Variants in PLPPR2 observed in about 807,000 individuals in gnomAD.
PLPPR2 encodes the protein phospholipid phosphatase-related protein type 2.
A neutral mutation model predicts 40.3 loss-of-function variants in PLPPR2; 11 were observed. The ratio of observed to expected loss-of-function variants is 0.27; its 90% CI spans 0.17 to 0.45. The LOEUF (loss-of-function observed/expected upper bound fraction) is 0.45. Ranked by LOEUF, PLPPR2 falls within the 20% of genes least tolerant of loss-of-function variation. The probability of loss-of-function intolerance (pLI) is 1.00; values close to 1 mark genes in which losing one functional copy is unlikely to be tolerated. For synonymous variants in PLPPR2, 260 were observed against 290.8 expected (o/e 0.89, Z 1.08); for missense variants, 497 against 640.7 (o/e 0.78, Z 2.42).
In PLPPR2 at chr19:11,364,767, G is replaced by A. The variant is rs1968149861; in HGVS notation, c.*77G>A. 8.7e-6 allele frequency: 13 copies of A among 1,497,204 alleles called. No individual in the cohort carries two copies. The highest frequency in any genetic ancestry group is 1.2e-5 in the Non-Finnish European group (13 of 1,115,788). 92.7% of individuals were successfully genotyped at this position (1,497,204 alleles called of 1,614,324 possible). ...GCGTGTGTGTGCGTGTGCCACGTGA[G>A]TGCCAAAGTCCCCTGCCCCCCAAGC... On this transcript the variant is annotated 3_prime_UTR_variant, in exon 10 of 10. Coordinates refer to ENST00000688289, the MANE Select transcript of PLPPR2 (RefSeq NM_001393892.1). The surrounding 1 kb of genome is among the most constrained non-coding windows in gnomAD (Gnocchi z 5.8).
chr19:11,359,460 T>C lies in PLPPR2; in HGVS notation c.67-72T>C. ...TTCTCCATCTCTGTATCTCTGCCTC[T>C]GTGGCCTCAGCTGGAGTCCTGACCT... On this transcript the variant is annotated intron_variant, in intron 3 of 9. Coordinates refer to ENST00000688289, the MANE Select transcript of PLPPR2 (RefSeq NM_001393892.1). The surrounding 1 kb of genome is among the most constrained non-coding windows in gnomAD (Gnocchi z 5.6). 3 of 1,395,068 alleles carry C rather than the reference T, an allele frequency of 2.2e-6. No homozygotes were observed. The highest frequency in any genetic ancestry group is 2.5e-5 in the East Asian group (1 of 39,898). 86.4% of individuals were successfully genotyped at this position (1,395,068 alleles called of 1,614,324 possible).
rs548158149 is a variant in PLPPR2 at position 11,363,995 on chromosome 19, A to G, written c.963+160A>G. 241 of 1,318,848 alleles carry G rather than the reference A, an allele frequency of 1.8e-4. 3 individuals are homozygous for G. In the South Asian group the frequency reaches 3.4e-3, roughly 18 times the overall value. 81.7% of individuals were successfully genotyped at this position (1,318,848 alleles called of 1,614,324 possible). A position where few individuals can be genotyped will look rare whatever the true frequency, so the allele number is the denominator to read the frequency against. On this transcript the variant is annotated intron_variant, in intron 8 of 9. Transcript: ENST00000688289. The surrounding 1 kb of genome is among the most constrained non-coding windows in gnomAD (Gnocchi z 4.8). Reference sequence around the variant, plus strand: ...ACATAGGTCCTGGGCGGACAGCCCCAAAGAATGAAAGGGAGCACCCCCGTC... The same window carrying G: ...ACATAGGTCCTGGGCGGACAGCCCCGAAGAATGAAAGGGAGCACCCCCGTC...
At chr19:11,358,335 C>T (rs539891636) in intron 3 of PLPPR2, among the ~76,000 whole-genome samples, 1 of 152,212 alleles carries the variant, frequency 6.6e-6, no homozygotes, top group Admixed American at 6.5e-5. Context: ...GGATTACAGG[C>T]GTGAGCCACC....
rs563714849 is a variant in PLPPR2 at position 11,363,729 on chromosome 19, A to T, written c.857A>T (p.His286Leu). ...IATFLVTCVV[H>L]NFQSRPPSGR... ...CTATTCCAGGTCACCTGCGTTGTGCATAACTTTCAGAGCCGGCCACCCTCT... is the reference window on the plus strand; with the variant it reads ...CTATTCCAGGTCACCTGCGTTGTGCTTAACTTTCAGAGCCGGCCACCCTCT... The change falls in exon 8 of 10, where the codon CAT becomes CTT. Residue 286 changes from histidine to leucine, a missense_variant. Physicochemically the swap from His to Leu is moderately conservative, Grantham distance 99. Transcript: ENST00000688289. This position sits in a 1 kb window ranked among gnomAD's most constrained non-coding sequence, Gnocchi z 4.8. The T allele has an allele frequency of 6.2e-6, 10 of 1,614,006 alleles. No homozygotes were observed. In the Admixed American group the frequency reaches 1.7e-4, roughly 27 times the overall value.
At position 11,359,599 on chromosome 19, in the gene PLPPR2, A is replaced by C; in HGVS notation, c.134A>C (p.His45Pro). ...GAGTTCACGGACACCTTCCCTGTGC[A>C]CACCCAGGGATTCTTCTGCTATGAC... is the stretch of plus-strand genomic sequence containing the variant. ...RLEFTDTFPV[H>P]TQGFFCYDST... Residue 45 changes from histidine (H) to proline (P), a missense_variant, in exon 4 of 10, where the codon CAC (histidine) becomes CCC (proline). By Grantham distance (77) the His-to-Pro change is moderately conservative. Coordinates refer to ENST00000688289, the MANE Select transcript of PLPPR2 (RefSeq NM_001393892.1). The surrounding 1 kb of genome is among the most constrained non-coding windows in gnomAD (Gnocchi z 5.6). 1 of 1,610,854 alleles carries C rather than the reference A, an allele frequency of 6.2e-7. No individual in the cohort carries two copies. Among genetic ancestry groups the C allele is most frequent in the Non-Finnish European group, 8.5e-7 (1 of 1,178,248 alleles).
At chr19:11,358,516 G>C (rs1568319706) in intron 3 of PLPPR2, among the ~76,000 whole-genome samples, 1 of 152,020 alleles carries the variant, frequency 6.6e-6, no homozygotes, top group Non-Finnish European at 1.5e-5. Context: ...CTGTCTGTCT[G>C]TCTCTCATTT....
At position 11,361,358 on chromosome 19, in the gene PLPPR2, G is replaced by C. The variant is rs1442139457; in HGVS notation, c.533G>C (p.Arg178Pro). The C allele has an allele frequency of 1.2e-6, 2 of 1,612,742 alleles. No individual in the cohort carries two copies. The highest frequency in any genetic ancestry group is 2.2e-5 in the East Asian group (1 of 44,886). Residue 178 changes from arginine (R) to proline (P), a missense_variant, in exon 6 of 10, where the codon CGG becomes CCG. Physicochemically the swap from Arg to Pro is moderately radical, Grantham distance 103. Coordinates refer to ENST00000688289, the MANE Select transcript of PLPPR2 (RefSeq NM_001393892.1). This position sits in a 1 kb window ranked among gnomAD's most constrained non-coding sequence, Gnocchi z 6.3. ...GGCTGCCTGCCACCTTCTCCGGATC[G>C]GCCAGGTCCCGACCGCTTTGTCACT... ...ALGCLPPSPD[R>P]PGPDRFVTDQ...
intron 1 of PLPPR2, among the ~76,000 whole-genome samples, chr19:11,356,031 G>A (rs1429992965): frequency 6.6e-6 from 1 of 152,020 alleles, no homozygotes; most frequent in Non-Finnish European, 1.5e-5. Context: ...TGGTGTTCGT[G>A]TGGTTGTGTG....
Position 11,359,779 on chromosome 19 carries a change from G to A in PLPPR2, c.256-42G>A, listed in dbSNP as rs755147494. The stretch of plus-strand genomic sequence containing the variant: ...GGCCGGTAAGGGTGGGTGAGGGGAT[G>A]GGCTGGAAGGCCAGAAGACTCCATC... On this transcript the variant is annotated intron_variant, in intron 4 of 9. Transcript: ENST00000688289. This position sits in a 1 kb window ranked among gnomAD's most constrained non-coding sequence, Gnocchi z 5.6. 3.2e-6 allele frequency: 5 copies of A among 1,586,538 alleles called. No homozygotes were observed. Among genetic ancestry groups the A allele is most frequent in the South Asian group, 2.3e-5 (2 of 88,156 alleles).
In PLPPR2 at chr19:11,364,660, C is replaced by T. The variant is rs771219204; in HGVS notation, c.1329C>T (p.Tyr443=). Residue 443 remains tyrosine, a synonymous_variant, in exon 10 of 10, where the codon TAC becomes TAT. Transcript: ENST00000688289. This position sits in a 1 kb window ranked among gnomAD's most constrained non-coding sequence, Gnocchi z 5.8. Reference sequence around the variant, plus strand: ...TCCACCGGGACAACTTCAGCCCTTACCTGTTTGCCAGCCGTGACCACCTGC... The same window carrying T: ...TCCACCGGGACAACTTCAGCCCTTATCTGTTTGCCAGCCGTGACCACCTGC... ...SPFHRDNFSP[Y]LFASRDHLL 48 of 1,537,088 alleles carry T rather than the reference C, an allele frequency of 3.1e-5. 1 individual carries two copies. In the East Asian group the frequency reaches 1.2e-3, roughly 38 times the overall value.
In PLPPR2 at chr19:11,356,096, G is replaced by A. The variant is rs891852361; in HGVS notation, c.-190+524G>A. Among the ~76,000 whole-genome samples, 9 of 152,186 alleles carry A rather than the reference G, an allele frequency of 5.9e-5. No homozygotes were observed. The Middle Eastern group carries it at 0.014, about 230-fold the overall frequency. On this transcript the variant is annotated intron_variant, in intron 1 of 9. Transcript: ENST00000688289. ...GTGTGTTCATTCTGATGGTGTGTAT[G>A]TGTGTGTGGCTGTGGTCGTGCGCTG...
Position 11,359,342 on chromosome 19 carries a change from C to T in PLPPR2, c.67-190C>T, listed in dbSNP as rs1054273134. ...TCCTTCTGTTTCTCCTAAGCCCTGA[C>T]CCTTCTCTCACCTCCTTTCCCCATT... is the stretch of plus-strand genomic sequence containing the variant. On this transcript the variant is annotated intron_variant, in intron 3 of 9. Transcript: ENST00000688289. This position sits in a 1 kb window ranked among gnomAD's most constrained non-coding sequence, Gnocchi z 5.6. The T allele has an allele frequency of 5.9e-6, 3 of 505,620 alleles. No homozygotes were observed. Among genetic ancestry groups the T allele is most frequent in the African/African-American group, 2.0e-5 (1 of 51,042 alleles). 31.3% of individuals were successfully genotyped at this position (505,620 alleles called of 1,614,324 possible).
Position 11,364,776 on chromosome 19 carries a change from T to C in PLPPR2, c.*86T>C. 2 of 1,457,680 alleles carry C rather than the reference T, an allele frequency of 1.4e-6. No homozygotes were observed. Among genetic ancestry groups the C allele is most frequent in the Non-Finnish European group, 1.8e-6 (2 of 1,082,828 alleles). The allele number at this position is 1,457,680 out of a possible 1,614,324, so 90.3% of individuals were successfully genotyped here. On this transcript the variant is annotated 3_prime_UTR_variant, in exon 10 of 10. Transcript: ENST00000688289. This position sits in a 1 kb window ranked among gnomAD's most constrained non-coding sequence, Gnocchi z 5.8. ...TGCGTGTGCCACGTGAGTGCCAAAG[T>C]CCCCTGCCCCCCAAGCCAGCCAGAC...
At position 11,361,539 on chromosome 19, in the gene PLPPR2, G is replaced by T; in HGVS notation, c.663+51G>T. The T allele has an allele frequency of 1.9e-6, 3 of 1,545,728 alleles. No homozygotes were observed. Among genetic ancestry groups the T allele is most frequent in the South Asian group, 2.4e-5 (2 of 82,752 alleles). Reference sequence around the variant, plus strand: ...GAAATGGGTGTGCAGGCTGGACAGCGACCAGCAGCTAGGAAGCCGCCAGGG... The same window carrying T: ...GAAATGGGTGTGCAGGCTGGACAGCTACCAGCAGCTAGGAAGCCGCCAGGG... On this transcript the variant is annotated intron_variant, in intron 6 of 9. Transcript: ENST00000688289. This position sits in a 1 kb window ranked among gnomAD's most constrained non-coding sequence, Gnocchi z 6.3.
rs1311601903 is a variant in PLPPR2 at position 11,361,423 on chromosome 19, G to A, written c.598G>A (p.Ala200Thr). The change falls in exon 6 of 10, where the codon GCC becomes ACC. Residue 200 changes from alanine to threonine, a missense_variant. Physicochemically the swap from Ala to Thr is moderately conservative, Grantham distance 58. Transcript: ENST00000688289. This position sits in a 1 kb window ranked among gnomAD's most constrained non-coding sequence, Gnocchi z 6.3. ...CGCTGGCAGTCCCAGCCTCGTGGCC[G>A]CCGCGCGCCGCGCCTTCCCCTGCAA... ...ACAGSPSLVA[A>T]ARRAFPCKDA... 4 of 1,606,040 alleles carry A rather than the reference G, an allele frequency of 2.5e-6. No individual in the cohort carries two copies. The highest frequency in any genetic ancestry group is 3.4e-6 in the Non-Finnish European group (4 of 1,179,340).
rs1300255449 is a variant in PLPPR2 at position 11,365,135 on chromosome 19, C to G, written c.*445C>G. On this transcript the variant is annotated 3_prime_UTR_variant, in exon 10 of 10. Transcript: ENST00000688289. ...ATTTCTAGAGTGGGTGGGCATGATT[C>G]CAGTCAATGGGGGACCGCCCGTGTC... 1 of 199,036 alleles carries G rather than the reference C, an allele frequency of 5.0e-6. No homozygotes were observed. Among genetic ancestry groups the G allele is most frequent in the East Asian group, 1.6e-4 (1 of 6,132 alleles). 12.3% of individuals were successfully genotyped at this position (199,036 alleles called of 1,614,324 possible).
Position 11,363,682 on chromosome 19 carries a change from G to T in PLPPR2, c.841-31G>T, listed in dbSNP as rs752955062. ...ATGGCTCCTATGTGACTTGCCCCAG[G>T]CCTCAACACTCTCCTCTCCCTCTAT... On this transcript the variant is annotated intron_variant, in intron 7 of 9. Transcript: ENST00000688289. The surrounding 1 kb of genome is among the most constrained non-coding windows in gnomAD (Gnocchi z 4.8). 3.1e-6 allele frequency: 5 copies of T among 1,590,728 alleles called. No individual in the cohort carries two copies. Among genetic ancestry groups the T allele is most frequent in the Non-Finnish European group, 4.3e-6 (5 of 1,163,818 alleles).
Position 11,361,850 on chromosome 19 carries a change from T to C in PLPPR2, c.663+362T>C, listed in dbSNP as rs1044448120. Among the ~76,000 whole-genome samples the C allele has an allele frequency of 6.6e-6, 1 of 152,090 alleles. No individual in the cohort carries two copies. The highest frequency in any genetic ancestry group is 6.6e-5 in the Admixed American group (1 of 15,260). ...CCCAGGATGCTACAGGCGCTAGATA[T>C]TAGCTGGCAGACTGGGCAGATGGGA... On this transcript the variant is annotated intron_variant, in intron 6 of 9. Coordinates refer to ENST00000688289, the MANE Select transcript of PLPPR2 (RefSeq NM_001393892.1). This position sits in a 1 kb window ranked among gnomAD's most constrained non-coding sequence, Gnocchi z 6.3.
Position 11,364,122 on chromosome 19 carries a change from G to C in PLPPR2, c.964-39G>C. ...TTGTGGCTGTGGCCGGTAGGGCCCA[G>C]GGGGCCACTAGCCCCTTCCGTCTGT... On this transcript the variant is annotated intron_variant, in intron 8 of 9. Transcript: ENST00000688289. The surrounding 1 kb of genome is among the most constrained non-coding windows in gnomAD (Gnocchi z 5.8). The C allele has an allele frequency of 6.3e-7, 1 of 1,586,576 alleles. No individual in the cohort carries two copies. The highest frequency in any genetic ancestry group is 8.6e-7 in the Non-Finnish European group (1 of 1,164,480).
Sources: gnomAD v4.1 joint callset for allele counts (sites outside exome capture counted in the v4.1 genomes callset) on GRCh38, gnomAD v4.1.1 for gene constraint, Gnocchi (gnomAD v3.1) non-coding constraint, MANE v1.5 for transcripts, NCBI Gene and HGNC (gene_info 2026-07-23, HGNC 2026-07-21) for gene names.